AOPEP: variants seen among roughly 807,000 people sequenced by gnomAD.
The protein encoded by AOPEP is aminopeptidase O.
In AOPEP, 77 loss-of-function variants were observed where a neutral mutation model predicts 98.1. The observed-to-expected ratio is 0.78, with a 90% confidence interval of 0.65 to 0.95. The LOEUF is 0.95. Ranked by LOEUF, AOPEP falls within the 40% of genes least tolerant of loss-of-function variation. AOPEP has a pLI of 0.00. For synonymous variants in AOPEP, 346 were observed against 365.3 expected (o/e 0.95, Z 0.60); for missense variants, 1,024 against 1,024.7 (o/e 1.00, Z 0.01).
chr9:94,839,942 A>AT (rs1223430421), intron 5 of AOPEP, among the ~76,000 whole-genome samples: 3 of 152,054 alleles, frequency 2.0e-5, no homozygotes, highest in Non-Finnish European at 4.4e-5. Flanking sequence ...AACATTTTAA[A>AT]TTTTTTGTAG....
intron 14 of AOPEP, among the ~76,000 whole-genome samples, chr9:95,080,440 C>T (rs2069612597): frequency 6.6e-6 from 1 of 152,168 alleles, no homozygotes; most frequent in Non-Finnish European, 1.5e-5. Context: ...TTGCTTGAAC[C>T]CGGGAGGCAG....
intron 2 of AOPEP, among the ~76,000 whole-genome samples, chr9:94,767,147 T>A (rs947306771): frequency 6.6e-6 from 1 of 152,216 alleles, no homozygotes. Context: ...CCCCTTACTT[T>A]CTTCAAGAAA....
rs560235066 is a variant in AOPEP, at chr9:94,974,261, T to G, written c.1917-5106T>G. ...CATCTTTCTCTCATAATTTAACATC[T>G]TATTCCACATTAACAATCCCCAAAT... On this transcript the variant is annotated intron_variant, in intron 10 of 16. Coordinates refer to ENST00000375315, the MANE Select transcript of AOPEP (RefSeq NM_001193329.3). Among the ~76,000 whole-genome samples the G allele has an allele frequency of 9.5e-4, 145 of 152,344 alleles. 1 individual carries two copies. Among genetic ancestry groups the G allele is most frequent in the Middle Eastern group, 3.4e-3 (1 of 294 alleles).
chr9:94,848,753 AG>A (rs1385930783), intron 5 of AOPEP, among the ~76,000 whole-genome samples: 1 of 152,124 alleles, frequency 6.6e-6, no homozygotes, highest in Non-Finnish European at 1.5e-5. Context: ...CCCAGGTAAA[AG>A]GGGAAAGCAT....
intron 1 of AOPEP, among the ~76,000 whole-genome samples, chr9:94,739,824 C>T (rs1269962788): frequency 2.0e-5 from 3 of 152,064 alleles, no homozygotes; most frequent in Non-Finnish European, 4.4e-5. Context: ...TGAAACCCCT[C>T]CTTTCTACCA....
At chr9:94,924,584 A>G (rs1456127852) in intron 6 of AOPEP, among the ~76,000 whole-genome samples, 3 of 152,170 alleles carry the variant, frequency 2.0e-5, no homozygotes, top group Non-Finnish European at 2.9e-5. Flanking sequence ...TGTGCAGTGT[A>G]TGTGTGTGTG....
intron 5 of AOPEP, among the ~76,000 whole-genome samples, chr9:94,834,790 C>A (rs1220428703): frequency 6.9e-6 from 1 of 144,366 alleles, no homozygotes; most frequent in African/African-American, 2.6e-5. Flanking sequence ...GAGACTGTCT[C>A]TAAATGCATG....
At chr9:95,135,376 C>A in the AOPEP span, 5 of 1,614,098 alleles carry the variant, frequency 3.1e-6, no homozygotes, top group Non-Finnish European at 4.2e-6. Flanking sequence ...AGCATTCGAT[C>A]CTTCTCAGAC....
intron 14 of AOPEP, among the ~76,000 whole-genome samples, chr9:95,077,417 G>C (rs2069190239): frequency 6.6e-6 from 1 of 152,244 alleles, no homozygotes; most frequent in South Asian, 2.1e-4. Context: ...ATGCTGCGGG[G>C]TGGCTGGCGA....
the AOPEP span, among the ~76,000 whole-genome samples, chr9:95,106,805 C>T: frequency 1.1e-4 from 17 of 152,278 alleles, no homozygotes; most frequent in East Asian, 1.9e-4. Flanking sequence ...TGGCTTCTAC[C>T]GCAGGCTTTG....
the AOPEP span, among the ~76,000 whole-genome samples, chr9:95,121,892 C>G: frequency 2.4e-4 from 35 of 147,720 alleles, 1 homozygote; most frequent in African/African-American, 7.6e-4. Flanking sequence ...GAGTCTCGCT[C>G]TGTCGCCCAG....
At chr9:95,095,298 C>G in the AOPEP span, among the ~76,000 whole-genome samples, 1 of 152,178 alleles carries the variant, frequency 6.6e-6, no homozygotes, top group Non-Finnish European at 1.5e-5. Flanking sequence ...ACTCTGTCAT[C>G]AGCATGGGGA....
chr9:94,914,473 G>A (rs2052516012), intron 5 of AOPEP, among the ~76,000 whole-genome samples: 1 of 151,260 alleles, frequency 6.6e-6, no homozygotes, highest in Non-Finnish European at 1.5e-5. Flanking sequence ...GCTCTGTAAT[G>A]CTTATTATTG....
chr9:94,728,164 T>C (rs1339101948), intron 1 of AOPEP, among the ~76,000 whole-genome samples: 1 of 152,178 alleles, frequency 6.6e-6, no homozygotes, highest in Non-Finnish European at 1.5e-5. Flanking sequence ...TCTTTAATAC[T>C]GTGTTAAGTT....
chr9:95,043,290 A>C (rs1184533072), intron 13 of AOPEP, among the ~76,000 whole-genome samples: 4 of 151,058 alleles, frequency 2.6e-5, no homozygotes, highest in Admixed American at 2.6e-4. Context: ...GTACAGATAC[A>C]TCTGTATATG....
chr9:94,936,553 A>G (rs2056307215), intron 7 of AOPEP, among the ~76,000 whole-genome samples: 1 of 152,142 alleles, frequency 6.6e-6, no homozygotes, highest in African/African-American at 2.4e-5. Flanking sequence ...CTCCACAACC[A>G]TCAACACAGA....
intron 5 of AOPEP, among the ~76,000 whole-genome samples, chr9:94,842,517 CA>C (rs1247757314): frequency 2.0e-5 from 3 of 152,184 alleles, no homozygotes; most frequent in Admixed American, 6.5e-5. Flanking sequence ...ATTACATTTG[CA>C]AAGATTGAAA....
the AOPEP span, among the ~76,000 whole-genome samples, chr9:95,149,272 A>G: frequency 6.6e-6 from 1 of 152,126 alleles, no homozygotes; most frequent in Admixed American, 6.5e-5. Context: ...AGGAAACAAT[A>G]GTCGCTGGGG....
intron 1 of AOPEP, among the ~76,000 whole-genome samples, chr9:94,757,659 A>T (rs1837359375): frequency 6.6e-6 from 1 of 152,234 alleles, no homozygotes; most frequent in Non-Finnish European, 1.5e-5. Flanking sequence ...AATGTTAAAA[A>T]TACTAAACTT....
Sources: allele counts gnomAD v4.1 joint callset (sites outside exome capture counted in the v4.1 genomes callset), GRCh38; gene constraint gnomAD v4.1.1; transcripts MANE v1.5; gene names NCBI Gene and HGNC (gene_info 2026-07-23, HGNC 2026-07-21).